Variants in NAV2 observed in about 807,000 individuals in gnomAD.
NAV2 encodes helicase, APC down-regulated 1.
NAV2 carries 54 observed loss-of-function variants against 223.2 expected under a neutral mutation model. That is an observed-to-expected ratio of 0.24 (90% CI 0.19 to 0.30). The LOEUF (loss-of-function observed/expected upper bound fraction) is 0.30. NAV2 is among the 10% of genes least tolerant of loss of function. NAV2 has a pLI of 1.00. For missense variants in NAV2, 2,806 were observed against 3,147.5 expected (o/e 0.89, Z 2.60); for synonymous variants, 1,279 against 1,239.3 (o/e 1.03, Z -0.67).
intron 1 of NAV2, among the ~76,000 whole-genome samples, chr11:19,660,283 G>A (rs554341915): frequency 1.3e-5 from 2 of 152,228 alleles, no homozygotes; most frequent in African/African-American, 4.8e-5. Flanking sequence ...CCCCAGCAGG[G>A]CTGGTGCTTT....
At chr11:19,635,975 C>A (rs1187500497) in intron 1 of NAV2, among the ~76,000 whole-genome samples, 1 of 152,132 alleles carries the variant, frequency 6.6e-6, no homozygotes, top group Non-Finnish European at 1.5e-5. Context: ...ATTTGTATTG[C>A]AGTGAAGCTA....
intron 1 of NAV2, among the ~76,000 whole-genome samples, chr11:19,566,014 G>A (rs2045255608): frequency 7.1e-6 from 1 of 140,624 alleles, no homozygotes; most frequent in Non-Finnish European, 1.6e-5. Context: ...GCTGCAGCAT[G>A]AAGAGCTATC....
chr11:19,835,274 C>T (rs1457253474), intron 2 of NAV2, among the ~76,000 whole-genome samples: 1 of 152,166 alleles, frequency 6.6e-6, no homozygotes, highest in Non-Finnish European at 1.5e-5. Flanking sequence ...TAAATTGCTT[C>T]CCTAAACCCT....
In NAV2 at chr11:19,656,420, G is replaced by A. The variant is rs551973533; in HGVS notation, c.76-176064G>A. On this transcript the variant is annotated intron_variant, in intron 1 of 37. Coordinates refer to the NAV2 transcript ENST00000360655. Reference sequence around the variant, plus strand: ...CTGGAGGCAGCTTGGTGTGTGTGAGGAACAGAAAGAAGGCCATTGTGGTGA... The same window carrying A: ...CTGGAGGCAGCTTGGTGTGTGTGAGAAACAGAAAGAAGGCCATTGTGGTGA... Among the ~76,000 whole-genome samples, 16 of 152,312 alleles carry A rather than the reference G, an allele frequency of 1.1e-4. No individual in the cohort carries two copies. The East Asian group carries it at 2.9e-3, about 28-fold the overall frequency.
rs1238924370 is a variant in NAV2 at position 20,118,405 on chromosome 11, C to T, written c.*147C>T. The T allele has an allele frequency of 1.8e-5, 17 of 921,322 alleles. No homozygotes were observed. Among genetic ancestry groups the T allele is most frequent in the Non-Finnish European group, 2.8e-5 (17 of 605,982 alleles). The allele number at this position is 921,322 out of a possible 1,614,324, so 57.1% of individuals were successfully genotyped here. ...ACCGAGACCCCCCGTCCTTCAGCCT[C>T]GACCTGGGTGCAGGCATCCCGGGCC... On this transcript the variant is annotated 3_prime_UTR_variant, in exon 38 of 38. Coordinates refer to ENST00000349880, the MANE Select transcript of NAV2 (RefSeq NM_145117.5).
At chr11:19,784,959 A>G (rs1392055222) in intron 1 of NAV2, among the ~76,000 whole-genome samples, 1 of 152,188 alleles carries the variant, frequency 6.6e-6, no homozygotes, top group African/African-American at 2.4e-5. Flanking sequence ...GGGGTTGAGG[A>G]TATACAAGGT....
intron 1 of NAV2, among the ~76,000 whole-genome samples, chr11:19,699,755 G>A (rs528062847): frequency 1.3e-5 from 2 of 152,284 alleles, no homozygotes; most frequent in Admixed American, 6.5e-5. Flanking sequence ...GTCAGATGTG[G>A]ACAGATGTGA....
intron 1 of NAV2, among the ~76,000 whole-genome samples, chr11:19,626,175 G>T (rs4757008): frequency 6.6e-6 from 1 of 152,060 alleles, no homozygotes; most frequent in Non-Finnish European, 1.5e-5. Context: ...TGGGTCTTAC[G>T]TTTAGGTATT....
chr11:19,808,872 G>C (rs1448140674), intron 1 of NAV2, among the ~76,000 whole-genome samples: 2 of 152,120 alleles, frequency 1.3e-5, no homozygotes, highest in Non-Finnish European at 2.9e-5. Context: ...ATGTTTTCTA[G>C]TTTATTGATT....
intron 35 of NAV2, among the ~76,000 whole-genome samples, chr11:20,106,565 A>G (rs893524327): frequency 6.6e-6 from 1 of 151,408 alleles, no homozygotes; most frequent in African/African-American, 2.4e-5. Context: ...AAAAAAAAAA[A>G]AAAAAAAAAT....
At chr11:20,084,320 A>C (rs56775556) in intron 26 of NAV2, among the ~76,000 whole-genome samples, 9 of 151,798 alleles carry the variant, frequency 5.9e-5, no homozygotes, top group Admixed American at 5.9e-4. Context: ...CTGGTCTCGA[A>C]CTCCTGACCT....
intron 1 of NAV2, among the ~76,000 whole-genome samples, chr11:19,660,375 C>T (rs956101440): frequency 1.5e-4 from 23 of 152,170 alleles, no homozygotes; most frequent in Non-Finnish European, 2.6e-4. Flanking sequence ...TCATCACTGT[C>T]ACTCACCACT....
At chr11:19,955,766 G>T (rs1306807133) in intron 10 of NAV2, among the ~76,000 whole-genome samples, 5 of 152,286 alleles carry the variant, frequency 3.3e-5, no homozygotes, top group African/African-American at 4.8e-5. Context: ...AGCATGAAAG[G>T]CTCTTTCTTA....
At chr11:19,683,071 C>G (rs889371788) in intron 1 of NAV2, among the ~76,000 whole-genome samples, 1 of 152,192 alleles carries the variant, frequency 6.6e-6, no homozygotes, top group African/African-American at 2.4e-5. Context: ...ATCTGGGTTT[C>G]AGTGACTGCT....
At chr11:19,919,067 T>C (rs577845676) in intron 6 of NAV2, among the ~76,000 whole-genome samples, 1 of 152,052 alleles carries the variant, frequency 6.6e-6, no homozygotes, top group Admixed American at 6.5e-5. Context: ...GATAGGGTGA[T>C]TGGAGAAAAA....
At chr11:19,798,720 C>T (rs1398768022) in intron 1 of NAV2, among the ~76,000 whole-genome samples, 1 of 152,098 alleles carries the variant, frequency 6.6e-6, no homozygotes, top group African/African-American at 2.4e-5. Context: ...TCATGTGTTC[C>T]CATTTTACAG....
chr11:19,911,321 G>C (rs1218711080), intron 6 of NAV2, among the ~76,000 whole-genome samples: 1 of 152,182 alleles, frequency 6.6e-6, no homozygotes, highest in Non-Finnish European at 1.5e-5. Flanking sequence ...GGTCTAAGCT[G>C]AAAGGTGCAT....
chr11:19,416,916 G>A (rs749954899), intron 1 of NAV2, among the ~76,000 whole-genome samples: 11 of 152,068 alleles, frequency 7.2e-5, no homozygotes, highest in Non-Finnish European at 1.3e-4. Context: ...AAACTGTACC[G>A]CTTCCTTACA....
At position 19,712,962 on chromosome 11, in the gene NAV2, C is replaced by T. The variant is rs1253585566; in HGVS notation, c.-734C>T. Among the ~76,000 whole-genome samples the T allele has an allele frequency of 1.3e-5, 2 of 152,010 alleles. No individual in the cohort carries two copies. Among genetic ancestry groups the T allele is most frequent in the African/African-American group, 2.4e-5 (1 of 41,426 alleles). On this transcript the variant is annotated 5_prime_UTR_variant, in exon 1 of 38. Coordinates refer to ENST00000349880, the MANE Select transcript of NAV2 (RefSeq NM_145117.5). ...CGGCGCCCGCGCCCCACGGCCACAG[C>T]CTTGCCTCTATCTAGCTCACGGAGC...
Sources: allele counts gnomAD v4.1 joint callset (sites outside exome capture counted in the v4.1 genomes callset), GRCh38; gene constraint gnomAD v4.1.1; transcripts MANE v1.5; gene names NCBI Gene and HGNC (gene_info 2026-07-23, HGNC 2026-07-21).